SMAP1: variants seen among roughly 807,000 people sequenced by gnomAD.
SMAP1 encodes small ArfGAP 1.
Under a neutral mutation model 58.5 loss-of-function variants are expected in SMAP1, and 24 were observed. The observed-to-expected ratio is 0.41, with a 90% CI of 0.30 to 0.58. The LOEUF (loss-of-function observed/expected upper bound fraction) is 0.58. SMAP1 is among the 20% of genes least tolerant of loss of function. The pLI is 0.29. For missense variants in SMAP1, 563 were observed against 566.3 expected (o/e 0.99, Z 0.06); for synonymous variants, 216 against 196.6 (o/e 1.10, Z -0.82).
chr6:70,766,193 C>T lies in SMAP1; in HGVS notation c.339-7157C>T, dbSNP rs146022037. ...CAAGTCTTTGCTATTGTGAATAGTG[C>T]CACAATAAACATACATGTGCATCTG... is the stretch of plus-strand genomic sequence containing the variant. On this transcript the variant is annotated intron_variant, in intron 3 of 10. Coordinates refer to ENST00000370455, the MANE Select transcript of SMAP1 (RefSeq NM_001044305.3). Among the ~76,000 whole-genome samples the T allele has an allele frequency of 3.6e-3, 551 of 152,192 alleles. 2 individuals are homozygous for T. The highest frequency in any genetic ancestry group is 0.011 in the African/African-American group (461 of 41,516).
chr6:70,710,441 G>A (rs1768006418), intron 1 of SMAP1, among the ~76,000 whole-genome samples: 1 of 141,378 alleles, frequency 7.1e-6, no homozygotes, highest in African/African-American at 2.6e-5. Flanking sequence ...GCAGTGAGCC[G>A]AGATTGCGTC....
At chr6:70,721,814 C>T (rs957241823) in intron 1 of SMAP1, among the ~76,000 whole-genome samples, 9 of 152,132 alleles carry the variant, frequency 5.9e-5, no homozygotes, top group Non-Finnish European at 1.3e-4. Context: ...GTGGGAACCC[C>T]TGATAAACCC....
At chr6:70,798,478 A>AGC (rs1768701177) in intron 5 of SMAP1, among the ~76,000 whole-genome samples, 179 bp from the exon 6 acceptor site, 1 of 152,060 alleles carries the variant, frequency 6.6e-6, no homozygotes, top group South Asian at 2.1e-4. Context: ...TAGTGTCATC[A>AGC]GCATATAACC....
At chr6:70,777,225 T>A (rs1767581986) in intron 4 of SMAP1, among the ~76,000 whole-genome samples, 1 of 152,180 alleles carries the variant, frequency 6.6e-6, no homozygotes, top group Non-Finnish European at 1.5e-5. Context: ...GCGCCCACTG[T>A]CTGGCACTCC....
chr6:70,782,299 A>G lies in SMAP1; in HGVS notation c.414+8874A>G, dbSNP rs147916277. Among the ~76,000 whole-genome samples the G allele has an allele frequency of 3.2e-3, 487 of 152,350 alleles. 2 individuals are homozygous for G. Among genetic ancestry groups the G allele is most frequent in the African/African-American group, 0.011 (468 of 41,584 alleles). ...GCCAATGAACTTTCAAAGAACAATT[A>G]CTGAGATTGAGCCTCCTTTTGGTTC... is the stretch of plus-strand genomic sequence containing the variant. On this transcript the variant is annotated intron_variant, in intron 4 of 10. Coordinates refer to ENST00000370455, the MANE Select transcript of SMAP1 (RefSeq NM_001044305.3).
At chr6:70,676,069 A>G (rs1202990319) in intron 1 of SMAP1, among the ~76,000 whole-genome samples, 1 of 152,150 alleles carries the variant, frequency 6.6e-6, no homozygotes, top group African/African-American at 2.4e-5. Flanking sequence ...CACTGCTGGG[A>G]GAATTAAGTG....
intron 4 of SMAP1, among the ~76,000 whole-genome samples, chr6:70,787,088 G>C (rs971798382): frequency 7.2e-5 from 11 of 152,120 alleles, no homozygotes; most frequent in Non-Finnish European, 1.6e-4. Context: ...CATGGTACTG[G>C]TACCAAAACA....
At chr6:70,836,326 C>G (rs553845768) in intron 6 of SMAP1, among the ~76,000 whole-genome samples, 97 of 151,978 alleles carry the variant, frequency 6.4e-4, no homozygotes, top group African/African-American at 2.3e-3. Context: ...GGAAACTACC[C>G]CTTATAATAC....
chr6:70,770,404 G>A (rs976875277), intron 3 of SMAP1, among the ~76,000 whole-genome samples: 2 of 152,106 alleles, frequency 1.3e-5, no homozygotes, highest in Non-Finnish European at 2.9e-5. Flanking sequence ...CATAGATTTC[G>A]TCTTTTCACA....
chr6:70,753,227 C>T (rs538536555), intron 2 of SMAP1, among the ~76,000 whole-genome samples: 44 of 152,082 alleles, frequency 2.9e-4, no homozygotes, highest in African/African-American at 9.9e-4. Context: ...ATTTCAAAGA[C>T]GTTAAAATAT....
chr6:70,709,464 C>G (rs1767967734), intron 1 of SMAP1, among the ~76,000 whole-genome samples: 1 of 152,096 alleles, frequency 6.6e-6, no homozygotes, highest in Non-Finnish European at 1.5e-5. Context: ...GAGCCTGCGA[C>G]TGCAGGTGTG....
intron 1 of SMAP1, among the ~76,000 whole-genome samples, chr6:70,688,776 A>G (rs1231719063): frequency 6.8e-6 from 1 of 146,900 alleles, no homozygotes; most frequent in African/African-American, 2.5e-5. Flanking sequence ...AAGAAAAGTT[A>G]GTTTTGAAGA....
At chr6:70,832,372 A>C (rs1436968873) in intron 6 of SMAP1, among the ~76,000 whole-genome samples, 1 of 152,172 alleles carries the variant, frequency 6.6e-6, no homozygotes, top group East Asian at 1.9e-4. Flanking sequence ...ATTGGGTTTA[A>C]ATGTACAATG....
At chr6:70,670,444 A>G (rs913367239) in intron 1 of SMAP1, among the ~76,000 whole-genome samples, 4 of 152,240 alleles carry the variant, frequency 2.6e-5, no homozygotes, top group Non-Finnish European at 5.9e-5. Flanking sequence ...TGATGTAAAT[A>G]TATTTTCACA....
chr6:70,828,670 G>T (rs1452782955), intron 6 of SMAP1, among the ~76,000 whole-genome samples: 1 of 152,212 alleles, frequency 6.6e-6, no homozygotes, highest in Non-Finnish European at 1.5e-5. Context: ...CCACATTGTG[G>T]AAATAGAATA....
intron 6 of SMAP1, among the ~76,000 whole-genome samples, chr6:70,835,767 A>G (rs1770556030): frequency 6.6e-6 from 1 of 152,142 alleles, no homozygotes; most frequent in Non-Finnish European, 1.5e-5. Flanking sequence ...TTGTCCTCCT[A>G]AAGTGCTGGT....
At chr6:70,732,646 G>C in intron 2 of SMAP1, 135 bp downstream of exon 2, 2 of 717,510 alleles carry the variant, frequency 2.8e-6, no homozygotes, top group Non-Finnish European at 3.9e-6. Context: ...GTATAAAATT[G>C]GAATATTTGA....
chr6:70,844,405 G>A (rs1192038819), intron 7 of SMAP1, among the ~76,000 whole-genome samples: 1 of 152,112 alleles, frequency 6.6e-6, no homozygotes, highest in African/African-American at 2.4e-5. Flanking sequence ...CCCTTACAGA[G>A]CATCATAGTG....
Position 70,858,046 on chromosome 6 carries a change from G to C in SMAP1, c.1086G>C (p.Gln362His), listed in dbSNP as rs2150014764. The C allele has an allele frequency of 2.5e-6, 4 of 1,614,156 alleles. No homozygotes were observed. Among genetic ancestry groups the C allele is most frequent in the East Asian group, 2.2e-5 (1 of 44,864 alleles). ...GCCTTATAGGAAATGTGATGGGACA[G>C]AGTCCAAGCATGATGGTGGGCATGC... is the stretch of plus-strand genomic sequence containing the variant. ...APGLIGNVMG[Q>H]SPSMMVGMPM... The change falls in exon 10 of 11, where the codon CAG (glutamine) becomes CAC (histidine). Residue 362 changes from glutamine (Q) to histidine (H), a missense_variant. Transcript: ENST00000370455.
Sources: allele counts gnomAD v4.1 joint callset (sites outside exome capture counted in the v4.1 genomes callset), GRCh38; gene constraint gnomAD v4.1.1; transcripts MANE v1.5; gene names NCBI Gene and HGNC (gene_info 2026-07-23, HGNC 2026-07-21).